IQCH: variants seen among roughly 807,000 people sequenced by gnomAD.
IQCH encodes the protein IQ domain-containing protein H.
In IQCH, 98 loss-of-function variants were observed where a neutral mutation model predicts 117.0. The observed-to-expected ratio is 0.84, with a 90% CI of 0.71 to 0.99. The LOEUF is 0.99. Ranked by LOEUF, IQCH falls within the 50% of genes least tolerant of loss-of-function variation. The pLI, the probability that IQCH is intolerant of heterozygous loss-of-function variation, is 0.00. For missense variants in IQCH, 1,102 were observed against 1,243.8 expected, an observed-to-expected ratio of 0.89 and a Z score of 1.72; for synonymous variants, 412 against 448.2, an observed-to-expected ratio of 0.92 and a Z score of 1.02.
At chr15:67,368,365 T>G (rs1050126920) in intron 8 of IQCH, among the ~76,000 whole-genome samples, 3 of 152,228 alleles carry the variant, frequency 2.0e-5, no homozygotes, top group Admixed American at 6.5e-5. Context: ...TCTAGCCAGC[T>G]GAGGTCCTGA....
intron 4 of IQCH, among the ~76,000 whole-genome samples, chr15:67,280,837 GTTATTATTA>G (rs61573874): frequency 4.0e-5 from 5 of 125,136 alleles, no homozygotes; most frequent in Non-Finnish European, 7.4e-5. Context: ...AGAAGGAGGT[GTTATTATTA>G]TTATTATTAT....
At chr15:67,336,512 A>G (rs1968897785) in intron 4 of IQCH, among the ~76,000 whole-genome samples, 1 of 152,192 alleles carries the variant, frequency 6.6e-6, no homozygotes, top group Admixed American at 6.5e-5. Flanking sequence ...TGAGATCTGC[A>G]AAAGAATCTA....
At chr15:67,333,098 T>C (rs1968736543) in intron 4 of IQCH, among the ~76,000 whole-genome samples, 1 of 152,216 alleles carries the variant, frequency 6.6e-6, no homozygotes, top group Non-Finnish European at 1.5e-5. Context: ...CTGGGGTCTC[T>C]TTTTATAATC....
At chr15:67,341,464 A>G (rs367545107) in intron 5 of IQCH, among the ~76,000 whole-genome samples, 1 of 152,210 alleles carries the variant, frequency 6.6e-6, no homozygotes, top group South Asian at 2.1e-4. Context: ...TAAATGAACT[A>G]AAAAGAAAAA....
At chr15:67,299,597 T>C (rs1966921436) in intron 4 of IQCH, among the ~76,000 whole-genome samples, 1 of 152,090 alleles carries the variant, frequency 6.6e-6, no homozygotes, top group Non-Finnish European at 1.5e-5. Context: ...AAATTAAAAA[T>C]AAAAAAATTT....
At position 67,369,859 on chromosome 15, in the gene IQCH, C is replaced by A. The variant is rs922897597; in HGVS notation, c.754-2252C>A. Among the ~76,000 whole-genome samples, 1 of 152,198 alleles carries A rather than the reference C, an allele frequency of 6.6e-6. No individual in the cohort carries two copies. Among genetic ancestry groups the A allele is most frequent in the Non-Finnish European group, 1.5e-5 (1 of 68,036 alleles). On this transcript the variant is annotated intron_variant, in intron 8 of 20. Coordinates refer to ENST00000335894, the MANE Select transcript of IQCH (RefSeq NM_001031715.3). This position sits in a 1 kb window ranked among gnomAD's most constrained non-coding sequence, Gnocchi z 5.2. The stretch of plus-strand genomic sequence containing the variant: ...AAGTCTAAAGTGCTCCCAAGTGTGG[C>A]ATTCTCTGTGACAGATGTACTACAG...
intron 8 of IQCH, among the ~76,000 whole-genome samples, chr15:67,362,206 A>G (rs1296228597): frequency 6.6e-6 from 1 of 151,960 alleles, no homozygotes. Context: ...ACGACAAAAA[A>G]TTAAACAAAA....
rs575091443 is a variant in IQCH, at chr15:67,302,603, A to T, written c.387+23091A>T. The stretch of plus-strand genomic sequence containing the variant: ...GTCGACTACAGTGGCTCATGCCTGT[A>T]ATCCCAGCACTTTGGGAGGCTAAGG... On this transcript the variant is annotated intron_variant, in intron 4 of 20. Transcript: ENST00000335894. Among the ~76,000 whole-genome samples the T allele has an allele frequency of 1.6e-4, 25 of 152,344 alleles. 1 individual carries two copies. In the South Asian group the frequency reaches 5.2e-3, roughly 32 times the overall value.
Position 67,436,793 on chromosome 15 carries a change from C to G in IQCH, c.2505+15216C>G, listed in dbSNP as rs1001200170. ...TGACTGCTGGCTTTCCCCCACTTCC[C>G]TGACAACCTGCATGACTCAGCAGAG... On this transcript the variant is annotated intron_variant, in intron 16 of 20. Transcript: ENST00000335894. This position sits in a 1 kb window ranked among gnomAD's most constrained non-coding sequence, Gnocchi z 5.1. Among the ~76,000 whole-genome samples, 1 of 152,098 alleles carries G rather than the reference C, an allele frequency of 6.6e-6. No homozygotes were observed.
chr15:67,297,596 C>T (rs555929150), intron 4 of IQCH, among the ~76,000 whole-genome samples: 42 of 152,192 alleles, frequency 2.8e-4, no homozygotes, highest in African/African-American at 8.9e-4. Context: ...TCCATCATGC[C>T]GAAAACTTAA....
chr15:67,302,472 G>A (rs1967094345), intron 4 of IQCH, among the ~76,000 whole-genome samples: 1 of 152,160 alleles, frequency 6.6e-6, no homozygotes, highest in Non-Finnish European at 1.5e-5. Flanking sequence ...ACCTCAAGGA[G>A]AAGGAAATAG....
intron 3 of IQCH, among the ~76,000 whole-genome samples, chr15:67,265,411 C>T (rs1965629850): frequency 2.6e-5 from 4 of 152,130 alleles, no homozygotes; most frequent in African/African-American, 9.7e-5. Flanking sequence ...TAATCATTGG[C>T]CTTCTTACCA....
chr15:67,462,778 A>ACACT (rs1286466262), intron 16 of IQCH, among the ~76,000 whole-genome samples: 1 of 152,128 alleles, frequency 6.6e-6, no homozygotes, highest in African/African-American at 2.4e-5. Flanking sequence ...CTCAAAATAG[A>ACACT]AACTCTGAAA....
chr15:67,400,538 G>T (rs1238209755), intron 14 of IQCH, among the ~76,000 whole-genome samples: 1 of 136,594 alleles, frequency 7.3e-6, no homozygotes, highest in African/African-American at 2.8e-5. Flanking sequence ...AGGCTGGAGT[G>T]CAGTGGTACA....
intron 4 of IQCH, among the ~76,000 whole-genome samples, chr15:67,290,051 C>T (rs768646192): frequency 1.2e-4 from 18 of 152,078 alleles, no homozygotes; most frequent in African/African-American, 2.4e-4. Context: ...TGTCTTCATT[C>T]GACTGGTAAT....
At chr15:67,435,403 G>A (rs980440818) in intron 16 of IQCH, among the ~76,000 whole-genome samples, 6 of 151,966 alleles carry the variant, frequency 3.9e-5, no homozygotes, top group Admixed American at 2.6e-4. Flanking sequence ...TGGCCAACAC[G>A]GTGAAACCCT....
rs538240661 is a variant in IQCH, at chr15:67,279,445, C to A, written c.320C>A (p.Ser107Tyr). The A allele has an allele frequency of 1.4e-5, 22 of 1,610,698 alleles. No homozygotes were observed. In the South Asian group the frequency reaches 2.1e-4, roughly 15 times the overall value. Residue 107 changes from serine (S) to tyrosine (Y), a missense_variant, in exon 4 of 21, where the codon TCT (serine) becomes TAT (tyrosine). Transcript: ENST00000335894. Reference protein sequence around the residue: ...DQKSFIFPQESEGTFWQPQRQ... With the variant: ...DQKSFIFPQEYEGTFWQPQRQ... ...AAATCATTTATTTTCCCTCAGGAAT[C>A]TGAGGGTACATTTTGGCAACCCCAA...
At chr15:67,461,142 G>A (rs1338326160) in intron 16 of IQCH, among the ~76,000 whole-genome samples, 3 of 152,172 alleles carry the variant, frequency 2.0e-5, no homozygotes, top group Non-Finnish European at 4.4e-5. Flanking sequence ...TTGGGAGGTC[G>A]AGGTGGGTGG....
At chr15:67,330,984 C>T (rs1236232375) in intron 4 of IQCH, among the ~76,000 whole-genome samples, 2 of 152,132 alleles carry the variant, frequency 1.3e-5, no homozygotes, top group Non-Finnish European at 2.9e-5. Context: ...ACCCAGAATG[C>T]CCAGTTCTCA....
Sources: allele counts gnomAD v4.1 joint callset (sites outside exome capture counted in the v4.1 genomes callset), GRCh38; gene constraint gnomAD v4.1.1; non-coding constraint Gnocchi (gnomAD v3.1); transcripts MANE v1.5; gene names NCBI Gene and HGNC (gene_info 2026-07-23, HGNC 2026-07-21).